TPTE: variants seen among roughly 807,000 people sequenced by gnomAD.
TPTE encodes putative tyrosine-protein phosphatase TPTE.
TPTE carries 59 observed loss-of-function variants against 84.1 expected under a neutral mutation model. The observed-to-expected ratio is 0.70, with a 90% CI of 0.57 to 0.87. The LOEUF is 0.87. Ranked by LOEUF, TPTE falls within the 40% of genes least tolerant of loss-of-function variation. The pLI, the probability that TPTE is intolerant of heterozygous loss-of-function variation, is 0.00. For synonymous variants in TPTE, 130 were observed against 223.5 expected (o/e 0.58, Z 3.73); for missense variants, 382 against 659.6 (o/e 0.58, Z 4.61).
At chr21:10,586,760 G>A (rs1396229769) in intron 17 of TPTE, among the ~76,000 whole-genome samples, 3 of 152,310 alleles carry the variant, frequency 2.0e-5, no homozygotes, top group African/African-American at 7.2e-5. Flanking sequence ...TTTATGTTGA[G>A]CCTGCATCTA....
At chr21:10,521,754 T>TGG (rs1166633256) in intron 1 of TPTE, 60 bp downstream of exon 1, 1 of 79,854 alleles carries the variant, frequency 1.3e-5, no homozygotes, top group African/African-American at 4.7e-5. Flanking sequence ...TCCTTTTTGT[T>TGG]GGGGGGGGGT....
At chr21:10,575,926 C>G (rs549567368) in intron 14 of TPTE, among the ~76,000 whole-genome samples, 2 of 152,378 alleles carry the variant, frequency 1.3e-5, no homozygotes, top group East Asian at 3.9e-4. Context: ...ATTAAAAAGC[C>G]AAAAAATAAC....
chr21:10,527,889 AGGTGGT>A (rs1568950060), intron 3 of TPTE, among the ~76,000 whole-genome samples: 1 of 152,306 alleles, frequency 6.6e-6, no homozygotes, highest in Non-Finnish European at 1.5e-5. Context: ...AAGAGCATGA[AGGTGGT>A]GGAGGGACTT....
intron 10 of TPTE, among the ~76,000 whole-genome samples, chr21:10,565,190 G>A (rs552665697): frequency 1.5e-3 from 225 of 152,280 alleles, no homozygotes; most frequent in African/African-American, 5.2e-3. Flanking sequence ...ACAAAAATCA[G>A]TAGCATTTCT....
chr21:10,522,079 G>A (rs1221380787), intron 1 of TPTE, among the ~76,000 whole-genome samples: 5 of 151,818 alleles, frequency 3.3e-5, no homozygotes, highest in Non-Finnish European at 5.9e-5. Context: ...GCGCCAGCCG[G>A]GGCGCCCGCC....
At chr21:10,525,878 A>G (rs987113968) in intron 2 of TPTE, among the ~76,000 whole-genome samples, 1 of 152,308 alleles carries the variant, frequency 6.6e-6, no homozygotes, top group Admixed American at 6.5e-5. Flanking sequence ...CTTTTTGGAG[A>G]TTAGTTTCCC....
intron 7 of TPTE, among the ~76,000 whole-genome samples, chr21:10,550,818 A>G (rs1270737270): frequency 2.6e-5 from 4 of 152,426 alleles, no homozygotes; most frequent in East Asian, 1.9e-4. Flanking sequence ...TCATCAGCAC[A>G]TGAAACATTA....
intron 7 of TPTE, among the ~76,000 whole-genome samples, chr21:10,552,137 CA>C (rs2074587116): frequency 6.6e-6 from 1 of 152,310 alleles, no homozygotes; most frequent in Admixed American, 6.5e-5. Flanking sequence ...ATTTTTTAAC[CA>C]ATAAAGTAGT....
At chr21:10,571,019 G>A (rs1265020194) in intron 14 of TPTE, among the ~76,000 whole-genome samples, 8 of 152,294 alleles carry the variant, frequency 5.3e-5, no homozygotes, top group African/African-American at 1.9e-4. Context: ...CCCTTCACCA[G>A]CAGAGCCACC....
intron 4 of TPTE, among the ~76,000 whole-genome samples, chr21:10,540,507 G>A (rs1219982840): frequency 1.1e-4 from 17 of 152,416 alleles, no homozygotes; most frequent in African/African-American, 3.1e-4. Flanking sequence ...AGGGAGAAGC[G>A]AATCCTGCTT....
chr21:10,553,365 A>G (rs1225601756), intron 8 of TPTE, among the ~76,000 whole-genome samples: 1 of 152,416 alleles, frequency 6.6e-6, no homozygotes, highest in Non-Finnish European at 1.5e-5. Flanking sequence ...AATGCTGGAG[A>G]GGAAGTACTG....
intron 7 of TPTE, among the ~76,000 whole-genome samples, chr21:10,543,822 A>C (rs1382181805): frequency 6.6e-6 from 1 of 152,310 alleles, no homozygotes; most frequent in Non-Finnish European, 1.5e-5. Context: ...AGAGAATCCT[A>C]TTTGCAACAT....
intron 14 of TPTE, among the ~76,000 whole-genome samples, chr21:10,577,211 T>C (rs1383693467): frequency 6.6e-6 from 1 of 152,308 alleles, no homozygotes; most frequent in Admixed American, 6.5e-5. Flanking sequence ...TTTACTTATC[T>C]GATAGCTTTA....
intron 17 of TPTE, among the ~76,000 whole-genome samples, chr21:10,585,253 A>AG (rs1281658089): frequency 2.7e-5 from 4 of 146,120 alleles, no homozygotes; most frequent in African/African-American, 1.0e-4. Context: ...AAAAAAAAAA[A>AG]AAAGAAAGAA....
rs367969920 is a variant in TPTE at position 10,567,764 on chromosome 21, A to T, written c.541A>T (p.Ile181Phe). Residue 181 changes from isoleucine (I) to phenylalanine (F), a missense_variant, in exon 11 of 24, where the codon ATT becomes TTT. Ile to Phe is a conservative substitution (Grantham distance 21). Transcript: ENST00000618007. ...TGATGTCGTTTACATTTTTTTTGAC[A>T]TTAAGTTGCTTAGGAATATTCCCAG... ...LVDVVYIFFD[I>F]KLLRNIPRWT... The T allele has an allele frequency of 6.2e-7, 1 of 1,613,432 alleles. No homozygotes were observed. The highest frequency in any genetic ancestry group is 1.3e-5 in the African/African-American group (1 of 74,940).
At chr21:10,560,138 G>A (rs868630366) in intron 9 of TPTE, among the ~76,000 whole-genome samples, 228 of 152,296 alleles carry the variant, frequency 1.5e-3, no homozygotes, top group African/African-American at 5.2e-3. Flanking sequence ...TATTAATATT[G>A]TTTTTCTTCC....
chr21:10,559,797 C>T (rs147676043), intron 9 of TPTE, among the ~76,000 whole-genome samples: 13,113 of 146,342 alleles, frequency 0.09, 6 homozygotes, highest in African/African-American at 0.22. Flanking sequence ...TCGCTTGAAC[C>T]GAGGAGGCAT....
rs750615608 is a variant in TPTE, at chr21:10,578,622, T to C, written c.1027+17T>C. 9.4e-5 allele frequency: 151 copies of C among 1,611,582 alleles called. No homozygotes were observed. The highest frequency in any genetic ancestry group is 2.0e-5 in the Non-Finnish European group (24 of 1,179,790). ...GAGGCACAGGTAATAACATTTTCCTTTTTATTTCTCCATTTCTAAAGACAT... is the reference window on the plus strand; with the variant it reads ...GAGGCACAGGTAATAACATTTTCCTCTTTATTTCTCCATTTCTAAAGACAT... On this transcript the variant is annotated intron_variant, in intron 17 of 23. Coordinates refer to ENST00000618007, the MANE Select transcript of TPTE (RefSeq NM_199261.4).
intron 17 of TPTE, 62 bp downstream of exon 17, chr21:10,578,667 A>C: frequency 6.2e-7 from 1 of 1,611,168 alleles, no homozygotes; most frequent in Non-Finnish European, 8.5e-7. Context: ...CATAAAGTAC[A>C]AGAACAAGAT....
Sources: allele counts gnomAD v4.1 joint callset (sites outside exome capture counted in the v4.1 genomes callset), GRCh38; gene constraint gnomAD v4.1.1; transcripts MANE v1.5; gene names NCBI Gene and HGNC (gene_info 2026-07-23, HGNC 2026-07-21).